Variants in EXOC4 observed in about 807,000 individuals in gnomAD.
The protein encoded by EXOC4 is exocyst complex component 4.
A neutral mutation model predicts 107.2 loss-of-function variants in EXOC4; 71 were observed. That is an observed-to-expected ratio of 0.66 (90% CI 0.55 to 0.81). The LOEUF is 0.81. EXOC4 is among the 30% of genes least tolerant of loss of function. EXOC4 has a pLI of 0.00. For missense variants in EXOC4, 1,108 were observed against 1,189.6 expected (o/e 0.93, Z 1.01); for synonymous variants, 456 against 441.2 (o/e 1.03, Z -0.42).
intron 9 of EXOC4, among the ~76,000 whole-genome samples, chr7:133,557,557 A>G (rs1310304102): frequency 6.6e-6 from 1 of 152,222 alleles, no homozygotes; most frequent in Non-Finnish European, 1.5e-5. Context: ...ATAGATTCAT[A>G]GTGTTAGGGC....
At chr7:133,664,402 T>C (rs558084354) in intron 10 of EXOC4, among the ~76,000 whole-genome samples, 1 of 152,244 alleles carries the variant, frequency 6.6e-6, no homozygotes, top group African/African-American at 2.4e-5. Flanking sequence ...AATAGAGTGG[T>C]TGAGTCAGGG....
At chr7:134,079,932 G>A in the EXOC4 span, among the ~76,000 whole-genome samples, 1 of 152,090 alleles carries the variant, frequency 6.6e-6, no homozygotes, top group Non-Finnish European at 1.5e-5. Context: ...GTCCAAACAG[G>A]CTCCCTCTCC....
intron 10 of EXOC4, among the ~76,000 whole-genome samples, chr7:133,686,060 T>C (rs1333876556): frequency 3.9e-5 from 6 of 152,136 alleles, no homozygotes; most frequent in Admixed American, 3.9e-4. Context: ...TTTCGTGGAT[T>C]AATGGGTTAT....
chr7:133,649,076 T>A (rs532520492), intron 10 of EXOC4, among the ~76,000 whole-genome samples: 8 of 152,344 alleles, frequency 5.3e-5, no homozygotes, highest in African/African-American at 1.4e-4. Context: ...CCTTGGCTTT[T>A]AAATTTAGTT....
intron 7 of EXOC4, among the ~76,000 whole-genome samples, chr7:133,435,164 C>A (rs933098734): frequency 2.6e-5 from 4 of 152,100 alleles, no homozygotes. Context: ...CCTGGTTAAT[C>A]GATGCTTTGG....
downstream of EXOC4, among the ~76,000 whole-genome samples, chr7:134,067,678 C>CACACACA (rs1554442394): frequency 6.7e-6 from 1 of 149,544 alleles, no homozygotes; most frequent in African/African-American, 2.5e-5. Context: ...CACACACAGG[C>CACACACA]AATTGTGTTC....
intron 11 of EXOC4, among the ~76,000 whole-genome samples, chr7:133,881,181 A>G (rs1487168280): frequency 6.6e-6 from 1 of 152,078 alleles, no homozygotes; most frequent in Non-Finnish European, 1.5e-5. Context: ...CTGTGTGTGT[A>G]TGTATGTATG....
chr7:133,625,161 T>G (rs1275958944), intron 9 of EXOC4, among the ~76,000 whole-genome samples: 1 of 152,216 alleles, frequency 6.6e-6, no homozygotes, highest in Non-Finnish European at 1.5e-5. Flanking sequence ...GAACAACATT[T>G]TTTGAATTTG....
At chr7:133,734,429 C>T (rs1795395986) in intron 10 of EXOC4, among the ~76,000 whole-genome samples, 1 of 92,606 alleles carries the variant, frequency 1.1e-5, no homozygotes, top group Non-Finnish European at 2.1e-5. Flanking sequence ...CATGATAATT[C>T]TTCACTTTTT....
chr7:133,572,067 A>G (rs1801035479), intron 9 of EXOC4, among the ~76,000 whole-genome samples: 1 of 152,222 alleles, frequency 6.6e-6, no homozygotes, highest in African/African-American at 2.4e-5. Flanking sequence ...TTAGTGAGTT[A>G]CTGGGTGAAA....
intron 9 of EXOC4, among the ~76,000 whole-genome samples, chr7:133,575,146 T>A (rs1454914283): frequency 6.6e-6 from 1 of 152,202 alleles, no homozygotes; most frequent in Non-Finnish European, 1.5e-5. Flanking sequence ...ATTTCCTTCT[T>A]AGCTTAGAGT....
chr7:133,494,634 G>A (rs941237875), intron 9 of EXOC4, among the ~76,000 whole-genome samples: 2 of 152,164 alleles, frequency 1.3e-5, no homozygotes, highest in African/African-American at 2.4e-5. Flanking sequence ...CATGTAAATT[G>A]AGTGGTTGAC....
intron 15 of EXOC4, among the ~76,000 whole-genome samples, chr7:133,998,460 G>A (rs1794448373): frequency 1.3e-5 from 2 of 152,196 alleles, no homozygotes. Flanking sequence ...CAAAGACCTA[G>A]AGGAAGAGAG....
intron 5 of EXOC4, among the ~76,000 whole-genome samples, chr7:133,333,119 G>T (rs986884597): frequency 6.6e-6 from 1 of 152,070 alleles, no homozygotes; most frequent in Non-Finnish European, 1.5e-5. Context: ...TTTACTAATA[G>T]AATTCTACTG....
chr7:133,410,740 C>T (rs933347581), intron 7 of EXOC4, among the ~76,000 whole-genome samples: 3 of 152,094 alleles, frequency 2.0e-5, no homozygotes, highest in Non-Finnish European at 4.4e-5. Flanking sequence ...ATACTGTTAG[C>T]TGTGAGTTTC....
Position 133,819,014 on chromosome 7 carries a change from C to T in EXOC4, c.1734+1470C>T, listed in dbSNP as rs534402069. On this transcript the variant is annotated intron_variant, in intron 11 of 17. Transcript: ENST00000253861. ...AGGGTGGGTGATTTCTTCTCCCCTT[C>T]CTCTTCACTTTGGATCATGGCCCTG... Among the ~76,000 whole-genome samples, 4 of 152,240 alleles carry T rather than the reference C, an allele frequency of 2.6e-5. No homozygotes were observed. The South Asian group carries it at 8.3e-4, about 32-fold the overall frequency.
chr7:133,370,341 C>T (rs577888944), intron 6 of EXOC4, among the ~76,000 whole-genome samples: 36 of 152,078 alleles, frequency 2.4e-4, no homozygotes, highest in Middle Eastern at 3.4e-3. Flanking sequence ...TTTAGGGAGG[C>T]ATGAGACATC....
intron 14 of EXOC4, among the ~76,000 whole-genome samples, chr7:133,961,741 A>G (rs951337875): frequency 6.6e-5 from 10 of 152,216 alleles, no homozygotes; most frequent in Non-Finnish European, 1.5e-4. Context: ...CTAAGTTTCA[A>G]AGATTGAGTA....
intron 10 of EXOC4, among the ~76,000 whole-genome samples, chr7:133,802,554 A>T (rs1796969851): frequency 6.6e-6 from 1 of 152,160 alleles, no homozygotes; most frequent in Non-Finnish European, 1.5e-5. Context: ...AGTGAAATGG[A>T]TGCTGCTCCA....
Sources: gnomAD v4.1 joint callset for allele counts (sites outside exome capture counted in the v4.1 genomes callset) on GRCh38, gnomAD v4.1.1 for gene constraint, MANE v1.5 for transcripts, NCBI Gene and HGNC (gene_info 2026-07-23, HGNC 2026-07-21) for gene names.